The following NCOA7 variants were observed in gnomAD, a reference collection of about 807,000 sequenced individuals.
The protein encoded by NCOA7 is nuclear receptor coactivator 7, also known as 140 kDa estrogen receptor-associated protein.
Under a neutral mutation model 104.3 loss-of-function variants are expected in NCOA7, and 45 were observed. That is an observed-to-expected ratio of 0.43 (90% CI 0.34 to 0.55). The LOEUF is 0.55. NCOA7 is among the 20% of genes least tolerant of loss of function. The pLI, the probability that NCOA7 is intolerant of heterozygous loss-of-function variation, is 0.02. For synonymous variants in NCOA7, 398 were observed against 402.3 expected (o/e 0.99, Z 0.13); for missense variants, 1,041 against 1,119.7 (o/e 0.93, Z 1.00).
chr6:125,899,222 T>G (rs1307100239), intron 10 of NCOA7, among the ~76,000 whole-genome samples: 1 of 152,200 alleles, frequency 6.6e-6, no homozygotes, highest in Non-Finnish European at 1.5e-5. Flanking sequence ...AAAATGCTCT[T>G]AACAGCACCT....
intron 3 of NCOA7, among the ~76,000 whole-genome samples, chr6:125,860,224 A>G (rs1345926002): frequency 2.6e-5 from 4 of 152,372 alleles, no homozygotes; most frequent in Admixed American, 6.5e-5. Flanking sequence ...ATTTTTCAAA[A>G]TTAGTTATTA....
rs1388790802 is a variant in NCOA7 at position 125,922,708 on chromosome 6, G to T, written c.2397G>T (p.Val799=). The change falls in exon 13 of 16, where the codon GTG becomes GTT. Residue 799 remains valine (V), a synonymous_variant. Coordinates refer to ENST00000392477, the MANE Select transcript of NCOA7 (RefSeq NM_181782.5). The stretch of plus-strand genomic sequence containing the variant: ...TGGCCCGACGCCTTCCTGCAAGGGT[G>T]CAAGGGTATCCATGGAGACTGGCCT... ...EQLARRLPAR[V]QGYPWRLAYS... 2.5e-6 allele frequency: 4 copies of T among 1,613,712 alleles called. No individual in the cohort carries two copies. Among genetic ancestry groups the T allele is most frequent in the Non-Finnish European group, 3.4e-6 (4 of 1,179,968 alleles).
chr6:125,918,440 C>G (rs908689919), intron 11 of NCOA7, among the ~76,000 whole-genome samples: 2 of 152,182 alleles, frequency 1.3e-5, no homozygotes, highest in Non-Finnish European at 2.9e-5. Flanking sequence ...CTCTAAGTAT[C>G]TGCTAGAGTC....
chr6:125,851,698 A>G (rs1468636764), intron 2 of NCOA7, among the ~76,000 whole-genome samples: 1 of 152,206 alleles, frequency 6.6e-6, no homozygotes, highest in African/African-American at 2.4e-5. Context: ...GTACTAATTT[A>G]TATTCCCACC....
rs1467071253 is a variant in NCOA7, at chr6:125,885,383, G to A, written c.884+40G>A. Reference sequence around the variant, plus strand: ...TGTTTACCAGGAAAAAAGGGGTGTTGAGAGAGCTAAATGTAGCTTAAAAAT... The same window carrying A: ...TGTTTACCAGGAAAAAAGGGGTGTTAAGAGAGCTAAATGTAGCTTAAAAAT... On this transcript the variant is annotated intron_variant, in intron 8 of 15. Coordinates refer to ENST00000392477, the MANE Select transcript of NCOA7 (RefSeq NM_181782.5). 3 of 1,599,464 alleles carry A rather than the reference G, an allele frequency of 1.9e-6. No homozygotes were observed. In the African/African-American group the frequency reaches 4.0e-5, roughly 21 times the overall value.
intron 3 of NCOA7, among the ~76,000 whole-genome samples, chr6:125,859,457 G>T (rs1041215531): frequency 1.9e-4 from 29 of 152,114 alleles, no homozygotes; most frequent in African/African-American, 7.0e-4. Context: ...GAGCCAAAAT[G>T]AAAAGTTAAT....
upstream of NCOA7, among the ~76,000 whole-genome samples, chr6:125,788,833 C>T (rs374361809): frequency 1.3e-3 from 194 of 151,950 alleles, 4 homozygotes; most frequent in South Asian, 0.038. Context: ...TGAGCCACTG[C>T]GCCTGGCCAG....
chr6:125,809,945 C>G (rs1382783687), intron 1 of NCOA7, among the ~76,000 whole-genome samples: 1 of 152,088 alleles, frequency 6.6e-6, no homozygotes, highest in Non-Finnish European at 1.5e-5. Flanking sequence ...AGCTGTGTGA[C>G]CCACAGCTGA....
In NCOA7 at chr6:125,792,797, A is replaced by T. The variant is rs1420474829; in HGVS notation, c.-65+1730A>T. Among the ~76,000 whole-genome samples, 3 of 152,084 alleles carry T rather than the reference A, an allele frequency of 2.0e-5. No individual in the cohort carries two copies. The South Asian group carries it at 6.2e-4, about 31-fold the overall frequency. On this transcript the variant is annotated intron_variant, in intron 1 of 15. Coordinates refer to ENST00000392477, the MANE Select transcript of NCOA7 (RefSeq NM_181782.5). ...CATTTTGAAAAAAAAAAAGAAAAAC[A>T]AGGTTAACTGCATCAAACTTTATTT...
chr6:125,824,011 G>T (rs1778432221), intron 2 of NCOA7, among the ~76,000 whole-genome samples: 3 of 151,832 alleles, frequency 2.0e-5, no homozygotes, highest in South Asian at 2.1e-4. Flanking sequence ...ATTAAAAAAA[G>T]ACCCATTGAT....
chr6:125,897,765 C>T (rs556796181), intron 10 of NCOA7, among the ~76,000 whole-genome samples: 6 of 152,196 alleles, frequency 3.9e-5, no homozygotes, highest in South Asian at 2.1e-4. Flanking sequence ...CTGCAGCCTC[C>T]GTCTCCTGGC....
intron 2 of NCOA7, among the ~76,000 whole-genome samples, chr6:125,844,261 C>A (rs1055235184): frequency 6.6e-6 from 1 of 152,200 alleles, no homozygotes; most frequent in African/African-American, 2.4e-5. Flanking sequence ...TTATTGAACA[C>A]AAAGCCAAAG....
chr6:125,878,410 C>T (rs1179287487), intron 5 of NCOA7, 40 bp downstream of exon 5: 2 of 1,446,552 alleles, frequency 1.4e-6, no homozygotes. Flanking sequence ...AGAAATTCTG[C>T]ATTTATCTTT....
At chr6:125,855,356 A>G (rs1185118636) in intron 3 of NCOA7, 116 bp downstream of exon 3, 1 of 771,550 alleles carries the variant, frequency 1.3e-6, no homozygotes, top group Non-Finnish European at 2.1e-6. Flanking sequence ...AGCAGCTGCT[A>G]TGTGCCCCTG....
chr6:125,851,176 A>G (rs576521840), intron 2 of NCOA7, among the ~76,000 whole-genome samples: 1 of 152,234 alleles, frequency 6.6e-6, no homozygotes, highest in East Asian at 1.9e-4. Flanking sequence ...GATGAATCAT[A>G]TAGTGGTGGA....
chr6:125,910,303 C>G (rs557327513), intron 10 of NCOA7, among the ~76,000 whole-genome samples: 1 of 152,210 alleles, frequency 6.6e-6, no homozygotes, highest in East Asian at 1.9e-4. Context: ...AGTCAGCTAG[C>G]CAGCAACCTA....
intron 4 of NCOA7, among the ~76,000 whole-genome samples, chr6:125,876,386 C>T (rs1783380632): frequency 1.3e-5 from 2 of 152,068 alleles, no homozygotes; most frequent in Non-Finnish European, 2.9e-5. Flanking sequence ...ACTGTTGATT[C>T]TCATAACACC....
chr6:125,920,501 T>C (rs1412049780), intron 11 of NCOA7, among the ~76,000 whole-genome samples: 1 of 152,252 alleles, frequency 6.6e-6, no homozygotes, highest in Non-Finnish European at 1.5e-5. Context: ...TGGTGTTATA[T>C]ACTATTCTCA....
intron 2 of NCOA7, among the ~76,000 whole-genome samples, chr6:125,849,849 A>T (rs1355320116): frequency 6.6e-6 from 1 of 152,158 alleles, no homozygotes; most frequent in Non-Finnish European, 1.5e-5. Flanking sequence ...TCTTAAATGT[A>T]CTTCATTATT....
Sources: allele counts gnomAD v4.1 joint callset (sites outside exome capture counted in the v4.1 genomes callset), GRCh38; gene constraint gnomAD v4.1.1; transcripts MANE v1.5; gene names NCBI Gene and HGNC (gene_info 2026-07-23, HGNC 2026-07-21).